Variants in SLC35D2 observed in about 807,000 individuals in gnomAD.
SLC35D2 encodes the protein nucleotide sugar transporter SLC35D2.
Under a neutral mutation model 41.8 loss-of-function variants are expected in SLC35D2, and 43 were observed. That is an observed-to-expected ratio of 1.03 (90% CI 0.81 to 1.33). The LOEUF (loss-of-function observed/expected upper bound fraction) is 1.33. Ranked by LOEUF, SLC35D2 falls within the 40% of genes most tolerant of loss-of-function variation. The pLI, the probability that SLC35D2 is intolerant of heterozygous loss-of-function variation, is 0.00. For synonymous variants in SLC35D2, 150 were observed against 163.9 expected (o/e 0.92, Z 0.65); for missense variants, 380 against 408.4 (o/e 0.93, Z 0.60).
chr9:96,381,434 C>T (rs376948659), intron 1 of SLC35D2, among the ~76,000 whole-genome samples: 21 of 152,312 alleles, frequency 1.4e-4, no homozygotes, highest in East Asian at 3.9e-4. Flanking sequence ...CTCTTCACTC[C>T]TCCAGGCCTG....
chr9:96,371,235 C>T (rs1192091517), intron 1 of SLC35D2, among the ~76,000 whole-genome samples: 2 of 151,870 alleles, frequency 1.3e-5, no homozygotes, highest in African/African-American at 4.8e-5. Flanking sequence ...GAGGCCGAGG[C>T]GGGTGGATCA....
chr9:96,325,045 T>C (rs1034165342), intron 9 of SLC35D2, among the ~76,000 whole-genome samples: 18 of 152,162 alleles, frequency 1.2e-4, no homozygotes, highest in East Asian at 5.8e-4. Flanking sequence ...ACGGAGGAGA[T>C]TGAAATAGAT....
intron 1 of SLC35D2, among the ~76,000 whole-genome samples, chr9:96,368,731 TC>T (rs1370041531): frequency 6.8e-6 from 1 of 147,562 alleles, no homozygotes; most frequent in African/African-American, 2.5e-5. Flanking sequence ...TATATTATAC[TC>T]CCTCTCTCTC....
intron 8 of SLC35D2, among the ~76,000 whole-genome samples, chr9:96,339,127 T>C (rs1007368890): frequency 1.3e-5 from 2 of 152,226 alleles, no homozygotes; most frequent in East Asian, 1.9e-4. Context: ...TTGTTTTTTT[T>C]TGAGATGGAG....
chr9:96,361,505 A>G (rs531630393), intron 3 of SLC35D2, among the ~76,000 whole-genome samples: 2 of 152,158 alleles, frequency 1.3e-5, no homozygotes, highest in East Asian at 3.9e-4. Context: ...CTGGCAACAT[A>G]GTGAGACCGT....
intron 7 of SLC35D2, among the ~76,000 whole-genome samples, chr9:96,344,821 T>C (rs1829505996): frequency 6.6e-6 from 1 of 151,794 alleles, no homozygotes; most frequent in Admixed American, 6.6e-5. Flanking sequence ...AAGCAGCAGC[T>C]ATTGCTGGAC....
chr9:96,360,109 C>T, intron 4 of SLC35D2, 45 bp downstream of exon 4: 1 of 1,432,444 alleles, frequency 7.0e-7, no homozygotes, highest in Non-Finnish European at 9.8e-7. Context: ...CCACTGGCAG[C>T]ACAGAGGTGA....
At chr9:96,372,741 C>T (rs1226007185) in intron 1 of SLC35D2, among the ~76,000 whole-genome samples, 2 of 151,004 alleles carry the variant, frequency 1.3e-5, no homozygotes, top group Admixed American at 1.3e-4. Flanking sequence ...CGCACCACCA[C>T]GCCTGCCTAA....
In SLC35D2 at chr9:96,360,031, T is replaced by C. The variant is rs1830194028; in HGVS notation, c.347+123A>G. The stretch of plus-strand genomic sequence containing the variant: ...ACTCCACCTTACTTTCTTAAACTAC[T>C]AAATATTATTGTCTTCTATATATGG... On this transcript the variant is annotated intron_variant, in intron 4 of 11. Coordinates refer to ENST00000253270, the MANE Select transcript of SLC35D2 (RefSeq NM_007001.3). The C allele has an allele frequency of 8.9e-6, 5 of 564,384 alleles. No individual in the cohort carries two copies. The South Asian group carries it at 1.8e-4, about 20-fold the overall frequency. 35.0% of individuals were successfully genotyped at this position (564,384 alleles called of 1,614,324 possible).
chr9:96,378,757 A>T (rs1394411936), intron 1 of SLC35D2, among the ~76,000 whole-genome samples: 4 of 150,952 alleles, frequency 2.6e-5, no homozygotes, highest in Admixed American at 2.6e-4. Context: ...TTAAAAATTA[A>T]AAAAAAAAAT....
chr9:96,383,373 G>A (rs1430185352), intron 1 of SLC35D2, 104 bp downstream of exon 1: 2 of 811,478 alleles, frequency 2.5e-6, no homozygotes, highest in East Asian at 7.8e-5. Flanking sequence ...GAGACTCGAG[G>A]GTCCCTGTCC....
rs565810939 is a variant in SLC35D2, at chr9:96,321,573, A to T, written c.915-232T>A. 2.6e-5 allele frequency among the ~76,000 whole-genome samples: 4 copies of T among 152,316 alleles called. No individual in the cohort carries two copies. The East Asian group carries it at 7.7e-4, about 29-fold the overall frequency. On this transcript the variant is annotated intron_variant, in intron 11 of 11. Transcript: ENST00000253270. Reference sequence around the variant, plus strand: ...AATGCAGAACCTCAGAGAGAAAATAAGCACTTGGTTTCTACTGAATAAACT... The same window carrying T: ...AATGCAGAACCTCAGAGAGAAAATATGCACTTGGTTTCTACTGAATAAACT...
intron 11 of SLC35D2, among the ~76,000 whole-genome samples, chr9:96,315,483 G>T (rs1164344925): frequency 6.7e-6 from 1 of 150,190 alleles, no homozygotes; most frequent in Non-Finnish European, 1.5e-5. Context: ...GCCCAGGCTG[G>T]AGTGCAGTGG....
At chr9:96,351,348 A>G (rs1056018762) in intron 5 of SLC35D2, among the ~76,000 whole-genome samples, 177 bp from the exon 6 acceptor site, 1 of 152,084 alleles carries the variant, frequency 6.6e-6, no homozygotes, top group African/African-American at 2.4e-5. Context: ...CTAAATTTAC[A>G]TTATTTCTTA....
Position 96,364,494 on chromosome 9 carries a change from GA to G in SLC35D2, c.248del (p.Phe83SerfsTer10), listed in dbSNP as rs771774024. The part of the protein sequence containing the change: ...YVSKLNKIIH[F>X]PDFDKKIPVK... ...CAGGAATTTTCTTATCAAAATCAGG[GA>G]AGTGAATGATTTTGTTTAGCTTGGA... On this transcript the variant is annotated frameshift_variant, in exon 3 of 12. Transcript: ENST00000253270. LOFTEE classifies it high-confidence loss of function. The G allele has an allele frequency of 6.2e-7, 1 of 1,601,284 alleles. No individual in the cohort carries two copies. The highest frequency in any genetic ancestry group is 8.6e-7 in the Non-Finnish European group (1 of 1,169,286).
chr9:96,356,503 T>C lies in SLC35D2; in HGVS notation c.347+3651A>G, dbSNP rs368491956. Among the ~76,000 whole-genome samples, 24 of 151,878 alleles carry C rather than the reference T, an allele frequency of 1.6e-4. No homozygotes were observed. In the East Asian group the frequency reaches 3.9e-3, roughly 25 times the overall value. Reference sequence around the variant, plus strand: ...AAGAAGAACAAAGTTGGTGTACTTATGCTTTCCAATTTCAAAATTTAATAC... The same window carrying C: ...AAGAAGAACAAAGTTGGTGTACTTACGCTTTCCAATTTCAAAATTTAATAC... On this transcript the variant is annotated intron_variant, in intron 4 of 11. Transcript: ENST00000253270.
downstream of SLC35D2, among the ~76,000 whole-genome samples, chr9:96,316,931 G>A (rs1828066227): frequency 6.6e-6 from 1 of 152,258 alleles, no homozygotes; most frequent in East Asian, 1.9e-4. Context: ...GAGGTCAGGA[G>A]ATCGAGACCA....
rs780376324 is a variant in SLC35D2 at position 96,343,931 on chromosome 9, A to C, written c.657T>G (p.Ile219Met). The C allele has an allele frequency of 6.3e-6, 10 of 1,594,230 alleles. No homozygotes were observed. In the African/African-American group the frequency reaches 1.4e-4, roughly 22 times the overall value. The change falls in exon 8 of 12, where the codon ATT becomes ATG. Residue 219 changes from isoleucine (I) to methionine (M), a missense_variant. Physicochemically the swap from Ile to Met is conservative, Grantham distance 10. Coordinates refer to ENST00000253270, the MANE Select transcript of SLC35D2 (RefSeq NM_007001.3). ...GTTGCAGGTCTCCAGTGGAGACACT[A>C]ATAATAAGAGTTGGGATAATCATGA... ...ACFMIIPTLIISVSTGDLQQA... is the reference protein window; with the variant it reads ...ACFMIIPTLIMSVSTGDLQQA...
At position 96,326,677 on chromosome 9, in the gene SLC35D2, C is replaced by T. The variant is rs568414989; in HGVS notation, c.753-2508G>A. 1.1e-3 allele frequency among the ~76,000 whole-genome samples: 169 copies of T among 151,912 alleles called. 1 individual carries two copies. The highest frequency in any genetic ancestry group is 3.4e-3 in the Middle Eastern group (1 of 294). On this transcript the variant is annotated intron_variant, in intron 9 of 11. Coordinates refer to ENST00000253270, the MANE Select transcript of SLC35D2 (RefSeq NM_007001.3). ...AAAATTAGCCAGGCATGGTGGCATG[C>T]GCCTGTAATCCCAGCTACTCGGAGG... is the stretch of plus-strand genomic sequence containing the variant.
Sources: gnomAD v4.1 joint callset for allele counts (sites outside exome capture counted in the v4.1 genomes callset) on GRCh38, gnomAD v4.1.1 for gene constraint, MANE v1.5 for transcripts, NCBI Gene and HGNC (gene_info 2026-07-23, HGNC 2026-07-21) for gene names.